CTHRC1: variants seen among roughly 807,000 people sequenced by gnomAD.
The protein encoded by CTHRC1 is collagen triple helix repeat-containing protein 1.
A neutral mutation model predicts 25.9 loss-of-function variants in CTHRC1; 21 were observed. The observed-to-expected ratio is 0.81, with a 90% CI of 0.57 to 1.17. The LOEUF is 1.17. CTHRC1 is among the 50% of genes most tolerant of loss of function. CTHRC1 has a pLI of 0.00. For missense variants in CTHRC1, 281 were observed against 304.3 expected (o/e 0.92, Z 0.57); for synonymous variants, 109 against 113.1 (o/e 0.96, Z 0.23).
chr8:103,376,602 A>G (rs1815811208), intron 2 of CTHRC1, among the ~76,000 whole-genome samples: 1 of 152,216 alleles, frequency 6.6e-6, no homozygotes, highest in African/African-American at 2.4e-5. Context: ...GTCCACTGGG[A>G]TGGAAGAGAG....
Position 103,375,891 on chromosome 8 carries a change from T to C in CTHRC1, c.304T>C (p.Trp102Arg), listed in dbSNP as rs1288074928. Residue 102 changes from tryptophan (W) to arginine (R), a missense_variant, in exon 2 of 4, where the codon TGG becomes CGG. Physicochemically the swap from Trp to Arg is moderately radical, Grantham distance 101 (BLOSUM62 -3). Transcript: ENST00000330295. ...ECLRESFEES[W>R]TPNYKQCSWS... ...TCTGAGGGAAAGCTTTGAGGAGTCC[T>C]GGACACCCAACTACAAGCAGTGTTC... The C allele has an allele frequency of 1.9e-6, 3 of 1,614,168 alleles. No individual in the cohort carries two copies. Among genetic ancestry groups the C allele is most frequent in the East Asian group, 2.2e-5 (1 of 44,876 alleles).
intron 3 of CTHRC1, among the ~76,000 whole-genome samples, chr8:103,381,204 G>A (rs1245179693): frequency 2.0e-5 from 3 of 151,796 alleles, no homozygotes; most frequent in South Asian, 2.1e-4. Context: ...CCATTAACTC[G>A]CCATTTACAT....
intron 1 of CTHRC1, among the ~76,000 whole-genome samples, chr8:103,373,350 T>G (rs1815746657): frequency 2.0e-5 from 3 of 152,114 alleles, no homozygotes; most frequent in African/African-American, 7.2e-5. Flanking sequence ...TATAGGATCT[T>G]TCAAAGCGTT....
At chr8:103,373,410 CAG>C (rs1015675227) in intron 1 of CTHRC1, among the ~76,000 whole-genome samples, 24 of 151,302 alleles carry the variant, frequency 1.6e-4, no homozygotes, top group East Asian at 5.8e-4. Flanking sequence ...GTGAAAGAAA[CAG>C]GGGCGTATAA....
intron 1 of CTHRC1, among the ~76,000 whole-genome samples, chr8:103,375,437 A>G (rs1815787058): frequency 6.6e-6 from 1 of 152,248 alleles, no homozygotes; most frequent in Non-Finnish European, 1.5e-5. Flanking sequence ...ACCTTGGAAT[A>G]CAGCTATTTA....
Position 103,371,571 on chromosome 8 carries a change from G to C in CTHRC1, c.-86G>C, listed in dbSNP as rs566324833. On this transcript the variant is annotated 5_prime_UTR_variant, in exon 1 of 4. Transcript: ENST00000330295. ...CATTGATGCAGCCTGCGGCGGCCTC[G>C]GAGCGCGGCGGAGCCAGACGCTGAC... 3 of 1,432,768 alleles carry C rather than the reference G, an allele frequency of 2.1e-6. No homozygotes were observed. The highest frequency in any genetic ancestry group is 2.8e-6 in the Non-Finnish European group (3 of 1,069,124). 88.8% of individuals were successfully genotyped at this position (1,432,768 alleles called of 1,614,324 possible). A position where few individuals can be genotyped will look rare whatever the true frequency, so the allele number is the denominator to read the frequency against.
rs759365776 is a variant in CTHRC1, at chr8:103,375,792, C to A, written c.205C>A (p.Pro69Thr). ...AGGAGTGCCTGGTCGAGACGGGAGC[C>A]CTGGGGCCAATGGCATTCCGGGTAC... is the stretch of plus-strand genomic sequence containing the variant. Reference protein sequence around the residue: ...PAGVPGRDGSPGANGIPGTPG... With the variant: ...PAGVPGRDGSTGANGIPGTPG... The change falls in exon 2 of 4, where the codon CCT (proline) becomes ACT (threonine). Residue 69 changes from proline to threonine, a missense_variant. Physicochemically the swap from Pro to Thr is conservative, Grantham distance 38 (BLOSUM62 -1). Transcript: ENST00000330295. 3.7e-6 allele frequency: 6 copies of A among 1,613,920 alleles called. No individual in the cohort carries two copies. The highest frequency in any genetic ancestry group is 5.1e-6 in the Non-Finnish European group (6 of 1,180,026).
intron 2 of CTHRC1, chr8:103,376,190 A>G (rs2917549): frequency 0.77 from 451,597 of 589,616 alleles, 173,613 homozygotes; most frequent in Middle Eastern, 0.82. Flanking sequence ...CTAAAATAAC[A>G]TACTTTTTAA....
At position 103,371,545 on chromosome 8, in the gene CTHRC1, G is replaced by T. The variant is rs1034730779; in HGVS notation, c.-112G>T. The T allele has an allele frequency of 2.6e-6, 3 of 1,159,700 alleles. No homozygotes were observed. Among genetic ancestry groups the T allele is most frequent in the African/African-American group, 3.2e-5 (2 of 61,708 alleles). 71.8% of individuals were successfully genotyped at this position (1,159,700 alleles called of 1,614,324 possible). ...GGAGAGAGGCGCGCGGGTGAAAGGC[G>T]CATTGATGCAGCCTGCGGCGGCCTC... On this transcript the variant is annotated 5_prime_UTR_variant, in exon 1 of 4. Coordinates refer to ENST00000330295, the MANE Select transcript of CTHRC1 (RefSeq NM_138455.4).
chr8:103,381,683 A>T (rs1815913468), intron 3 of CTHRC1, among the ~76,000 whole-genome samples: 1 of 152,120 alleles, frequency 6.6e-6, no homozygotes, highest in Non-Finnish European at 1.5e-5. Context: ...GATTATGTAG[A>T]ATTTCTTTTA....
intron 3 of CTHRC1, among the ~76,000 whole-genome samples, chr8:103,380,416 A>G (rs557734823): frequency 3.9e-5 from 6 of 152,334 alleles, no homozygotes; most frequent in African/African-American, 1.2e-4. Flanking sequence ...TACCTCTGTA[A>G]CAGAATCACT....
chr8:103,373,988 AAACT>A (rs1815759976), intron 1 of CTHRC1, among the ~76,000 whole-genome samples: 1 of 152,168 alleles, frequency 6.6e-6, no homozygotes, highest in Non-Finnish European at 1.5e-5. Flanking sequence ...AAAACACACC[AAACT>A]ATTTTGAAAT....
rs1815756268 is a variant in CTHRC1, at chr8:103,373,798, T to G, written c.151-1940T>G. Among the ~76,000 whole-genome samples the G allele has an allele frequency of 2.6e-5, 4 of 151,252 alleles. No individual in the cohort carries two copies. In the South Asian group the frequency reaches 8.5e-4, roughly 32 times the overall value. On this transcript the variant is annotated intron_variant, in intron 1 of 3. Coordinates refer to ENST00000330295, the MANE Select transcript of CTHRC1 (RefSeq NM_138455.4). ...AGGACAAAATTGTCCCCAGTTGAGATCCACTGATATATAATGAAGTAAAAT... is the reference window on the plus strand; with the variant it reads ...AGGACAAAATTGTCCCCAGTTGAGAGCCACTGATATATAATGAAGTAAAAT...
chr8:103,379,473 G>GT (rs1422532400), intron 3 of CTHRC1, among the ~76,000 whole-genome samples: 2 of 144,278 alleles, frequency 1.4e-5, no homozygotes, highest in Non-Finnish European at 3.0e-5. Flanking sequence ...AAATAGAAGA[G>GT]TTAAAAAAAA....
In CTHRC1 at chr8:103,371,665, C is replaced by A; in HGVS notation, c.9C>A (p.Pro3=). The A allele has an allele frequency of 6.5e-7, 1 of 1,534,074 alleles. No homozygotes were observed. The highest frequency in any genetic ancestry group is 1.4e-5 in the African/African-American group (1 of 70,522). Residue 3 remains proline (P), a synonymous_variant, in exon 1 of 4, where the codon CCC becomes CCA. Transcript: ENST00000330295. MR[P]QGPAASPQRL... is the part of the protein sequence containing the mutation. ...CCCGGCAGCCGGGAGCCATGCGACC[C>A]CAGGGCCCCGCCGCCTCCCCGCAGC...
chr8:103,372,525 G>A (rs761002456), intron 1 of CTHRC1: 1 of 1,598,222 alleles, frequency 6.3e-7, no homozygotes, highest in Non-Finnish European at 8.5e-7. Context: ...TGGGCAGTCT[G>A]TCATTACACA....
rs567584446 is a variant in CTHRC1 at position 103,375,276 on chromosome 8, AT to A, written c.151-461del. Among the ~76,000 whole-genome samples the A allele has an allele frequency of 8.6e-4, 131 of 152,364 alleles. 1 individual carries two copies. The highest frequency in any genetic ancestry group is 1.7e-3 in the Non-Finnish European group (114 of 68,042). On this transcript the variant is annotated intron_variant, in intron 1 of 3. Coordinates refer to ENST00000330295, the MANE Select transcript of CTHRC1 (RefSeq NM_138455.4). ...TAATTCAAAAGAAGAAAAAGGCTGT[AT>A]GGATATTTTCATTACAATAATATTC... is the stretch of plus-strand genomic sequence containing the variant.
chr8:103,371,600 G>T lies in CTHRC1; in HGVS notation c.-57G>T, dbSNP rs983354104. The T allele has an allele frequency of 5.9e-6, 9 of 1,517,048 alleles. No homozygotes were observed. Among genetic ancestry groups the T allele is most frequent in the East Asian group, 5.3e-5 (2 of 37,504 alleles). The allele number at this position is 1,517,048 out of a possible 1,614,324, so 94.0% of individuals were successfully genotyped here. On this transcript the variant is annotated 5_prime_UTR_variant, in exon 1 of 4. Coordinates refer to ENST00000330295, the MANE Select transcript of CTHRC1 (RefSeq NM_138455.4). Reference sequence around the variant, plus strand: ...CGCGGCGGAGCCAGACGCTGACCACGTTCCTCTCCTCGGTCTCCTCCGCCT... The same window carrying T: ...CGCGGCGGAGCCAGACGCTGACCACTTTCCTCTCCTCGGTCTCCTCCGCCT...
chr8:103,377,729 G>A (rs62525557), intron 2 of CTHRC1, among the ~76,000 whole-genome samples: 11,832 of 152,150 alleles, frequency 0.078, 595 homozygotes, highest in Non-Finnish European at 0.11. Context: ...TCAGCCTCCC[G>A]AGTAACTGGG....
Sources: gnomAD v4.1 joint callset for allele counts (sites outside exome capture counted in the v4.1 genomes callset) on GRCh38, gnomAD v4.1.1 for gene constraint, MANE v1.5 for transcripts, NCBI Gene and HGNC (gene_info 2026-07-23, HGNC 2026-07-21) for gene names.